The following SIK2 variants were observed in gnomAD, a reference collection of about 807,000 sequenced individuals.
SIK2 encodes the protein salt inducible kinase 2, also known as serine/threonine-protein kinase SIK2.
In SIK2, 29 loss-of-function variants were observed where a neutral mutation model predicts 103.2. That is an observed-to-expected ratio of 0.28 (90% CI 0.21 to 0.38). The LOEUF is 0.38. Ranked by LOEUF, SIK2 falls within the 10% of genes least tolerant of loss-of-function variation. The pLI, the probability that SIK2 is intolerant of heterozygous loss-of-function variation, is 1.00. For missense variants in SIK2, 879 were observed against 1,171.0 expected, an observed-to-expected ratio of 0.75 and a Z score of 3.64; for synonymous variants, 412 against 446.1, an observed-to-expected ratio of 0.92 and a Z score of 0.96.
At chr11:111,702,439 A>G (rs1189753704) in intron 6 of SIK2, among the ~76,000 whole-genome samples, 2 of 152,142 alleles carry the variant, frequency 1.3e-5, no homozygotes, top group Non-Finnish European at 2.9e-5. Flanking sequence ...TTTTTTTTCA[A>G]TTAGCCGGGT....
chr11:111,712,087 T>A, intron 8 of SIK2, 124 bp from the exon 9 acceptor site: 1 of 1,035,542 alleles, frequency 9.7e-7, no homozygotes, highest in Non-Finnish European at 1.4e-6. Context: ...CTTTCTGGAG[T>A]TTCCAATAAA....
At chr11:111,619,851 G>T (rs930463297) in intron 2 of SIK2, among the ~76,000 whole-genome samples, 1 of 152,096 alleles carries the variant, frequency 6.6e-6, no homozygotes, top group African/African-American at 2.4e-5. Flanking sequence ...TGCCAGATTA[G>T]CTAGGCTACC....
chr11:111,638,826 AG>A (rs1942144096), intron 3 of SIK2, among the ~76,000 whole-genome samples: 1 of 152,090 alleles, frequency 6.6e-6, no homozygotes. Flanking sequence ...TCCTGCTTAT[AG>A]GTAATATTTT....
At chr11:111,637,279 A>G (rs557538732) in intron 3 of SIK2, among the ~76,000 whole-genome samples, 5 of 151,138 alleles carry the variant, frequency 3.3e-5, no homozygotes, top group Admixed American at 3.3e-4. Flanking sequence ...TTAAAATAAC[A>G]CTCTTTTTTC....
chr11:111,729,045 C>G lies in SIK2; in HGVS notation c.*4916C>G, dbSNP rs1019084921. 3 of 152,218 alleles carry G rather than the reference C, an allele frequency of 2.0e-5. No homozygotes were observed. The highest frequency in any genetic ancestry group is 2.9e-5 in the Non-Finnish European group (2 of 68,054). The allele number at this position is 152,218 out of a possible 1,614,324, so 9.4% of individuals were successfully genotyped here. ...GGTTCTACAGTGTGGTCTGAAGCACCTGTAATGTCAGAGCCCTTGTCTGGC... is the reference window on the plus strand; with the variant it reads ...GGTTCTACAGTGTGGTCTGAAGCACGTGTAATGTCAGAGCCCTTGTCTGGC... On this transcript the variant is annotated 3_prime_UTR_variant, in exon 15 of 15. Transcript: ENST00000304987.
intron 3 of SIK2, among the ~76,000 whole-genome samples, chr11:111,631,636 C>T (rs532299254): frequency 5.3e-5 from 8 of 152,184 alleles, no homozygotes; most frequent in Non-Finnish European, 8.8e-5. Context: ...AAGGGAACAA[C>T]ATTTATATAT....
In SIK2 at chr11:111,728,176, G is replaced by A. The variant is rs1179315862; in HGVS notation, c.*4047G>A. 6.6e-6 allele frequency: 1 copy of A among 152,218 alleles called. No homozygotes were observed. Among genetic ancestry groups the A allele is most frequent in the East Asian group, 1.9e-4 (1 of 5,184 alleles). 9.4% of individuals were successfully genotyped at this position (152,218 alleles called of 1,614,324 possible). On this transcript the variant is annotated 3_prime_UTR_variant, in exon 15 of 15. Coordinates refer to ENST00000304987, the MANE Select transcript of SIK2 (RefSeq NM_015191.3). Reference sequence around the variant, plus strand: ...TCCTGGGAAGCCACCCGAGCCACTCGGTCTCTTTGTGCCTAAACATGAAAG... The same window carrying A: ...TCCTGGGAAGCCACCCGAGCCACTCAGTCTCTTTGTGCCTAAACATGAAAG...
chr11:111,655,532 T>G (rs1164522609), intron 3 of SIK2, among the ~76,000 whole-genome samples: 1 of 152,262 alleles, frequency 6.6e-6, no homozygotes, highest in Non-Finnish European at 1.5e-5. Flanking sequence ...TTATATTAAC[T>G]GCTGCTTAAA....
chr11:111,612,380 G>A (rs1941738673), intron 1 of SIK2, among the ~76,000 whole-genome samples: 2 of 152,148 alleles, frequency 1.3e-5, no homozygotes. Flanking sequence ...ATATTTCTGG[G>A]AAGTACTTGA....
In SIK2 at chr11:111,712,221, T is replaced by G; in HGVS notation, c.1112T>G (p.Val371Gly). 1.2e-6 allele frequency: 2 copies of G among 1,614,204 alleles called. No individual in the cohort carries two copies. The highest frequency in any genetic ancestry group is 1.7e-6 in the Non-Finnish European group (2 of 1,180,034). Reference sequence around the variant, plus strand: ...TTGCCATATTTACAGGCACAGACTGTGGGGCTCCCAGTGACCATGCATTCA... The same window carrying G: ...TTGCCATATTTACAGGCACAGACTGGGGGGCTCCCAGTGACCATGCATTCA... ...AEQTVAKAQTVGLPVTMHSPN... is the reference protein window; with the variant it reads ...AEQTVAKAQTGGLPVTMHSPN... The change falls in exon 9 of 15, where the codon GTG (valine) becomes GGG (glycine). Residue 371 changes from valine (V) to glycine (G), a missense_variant. Transcript: ENST00000304987.
chr11:111,724,305 T>A lies in SIK2; in HGVS notation c.*176T>A. On this transcript the variant is annotated 3_prime_UTR_variant, in exon 15 of 15. Coordinates refer to ENST00000304987, the MANE Select transcript of SIK2 (RefSeq NM_015191.3). ...GGTGGATGTTGCTTCCTCCTGGTTC[T>A]GCCCCACCACAAAGTTTTCTGTGGC... 1.1e-6 allele frequency: 1 copy of A among 909,550 alleles called. No individual in the cohort carries two copies. Among genetic ancestry groups the A allele is most frequent in the Non-Finnish European group, 1.6e-6 (1 of 623,012 alleles). 56.3% of individuals were successfully genotyped at this position (909,550 alleles called of 1,614,324 possible).
chr11:111,617,836 GTA>G (rs1240959913), intron 2 of SIK2, among the ~76,000 whole-genome samples: 15 of 150,880 alleles, frequency 9.9e-5, no homozygotes, highest in East Asian at 4.0e-4. Flanking sequence ...GTGTGTTTGT[GTA>G]TGTGTGTGTG....
In SIK2 at chr11:111,723,684, A is replaced by T; in HGVS notation, c.2336A>T (p.Glu779Val). 6.2e-7 allele frequency: 1 copy of T among 1,613,852 alleles called. No individual in the cohort carries two copies. Among genetic ancestry groups the T allele is most frequent in the African/African-American group, 1.3e-5 (1 of 75,008 alleles). The change falls in exon 15 of 15, where the codon GAG (glutamate) becomes GTG (valine). Residue 779 changes from glutamate (E) to valine (V), a missense_variant. Physicochemically the swap from Glu to Val is moderately radical, Grantham distance 121. Transcript: ENST00000304987. ...SLTQPLSPVL[E>V]PSSEQMQYSP... Reference sequence around the variant, plus strand: ...ACCCAGCCCCTGAGCCCCGTCCTGGAGCCTTCCTCCGAGCAGATGCAATAC... The same window carrying T: ...ACCCAGCCCCTGAGCCCCGTCCTGGTGCCTTCCTCCGAGCAGATGCAATAC...
chr11:111,726,681 C>T lies in SIK2; in HGVS notation c.*2552C>T. The T allele has an allele frequency of 2.3e-6, 1 of 436,924 alleles. No individual in the cohort carries two copies. The highest frequency in any genetic ancestry group is 3.0e-5 in the South Asian group (1 of 33,746). 27.1% of individuals were successfully genotyped at this position (436,924 alleles called of 1,614,324 possible). A position where few individuals can be genotyped will look rare whatever the true frequency, so the allele number is the denominator to read the frequency against. ...GTCCCTAACTAGTGACCCATGGAAG[C>T]TTCCAAGCAGTTTTCTCTTCATCAC... is the stretch of plus-strand genomic sequence containing the variant. On this transcript the variant is annotated 3_prime_UTR_variant, in exon 15 of 15. Coordinates refer to ENST00000304987, the MANE Select transcript of SIK2 (RefSeq NM_015191.3).
intron 3 of SIK2, chr11:111,671,496 T>C: frequency 3.5e-6 from 1 of 289,292 alleles, no homozygotes; most frequent in Non-Finnish European, 6.7e-6. Flanking sequence ...GCAAGTCATC[T>C]CAGTGCTTTC....
intron 9 of SIK2, among the ~76,000 whole-genome samples, chr11:111,712,701 T>C (rs1943535305): frequency 6.6e-6 from 1 of 152,252 alleles, no homozygotes; most frequent in South Asian, 2.1e-4. Flanking sequence ...TGTTTGTTTT[T>C]TCCCTAACAA....
chr11:111,684,892 C>T (rs1379238416), intron 3 of SIK2, among the ~76,000 whole-genome samples: 2 of 152,030 alleles, frequency 1.3e-5, no homozygotes, highest in African/African-American at 4.8e-5. Context: ...TGATGCCAAC[C>T]CATAAAAAAG....
intron 3 of SIK2, among the ~76,000 whole-genome samples, chr11:111,665,641 T>C (rs1051013482): frequency 6.6e-6 from 1 of 151,994 alleles, no homozygotes; most frequent in Non-Finnish European, 1.5e-5. Flanking sequence ...CTGACCAACA[T>C]GGAGAAACCC....
intron 3 of SIK2, among the ~76,000 whole-genome samples, chr11:111,625,400 A>T (rs1257808219): frequency 6.6e-6 from 1 of 152,188 alleles, no homozygotes; most frequent in Non-Finnish European, 1.5e-5. Context: ...TACAATCAGT[A>T]GGACTTCTCG....
Sources: gnomAD v4.1 joint callset for allele counts (sites outside exome capture counted in the v4.1 genomes callset) on GRCh38, gnomAD v4.1.1 for gene constraint, MANE v1.5 for transcripts, NCBI Gene and HGNC (gene_info 2026-07-23, HGNC 2026-07-21) for gene names.